The following FSTL5 variants were observed in gnomAD, a reference collection of about 807,000 sequenced individuals.
FSTL5 encodes the protein follistatin like 5, also known as follistatin-related protein 5.
Under a neutral mutation model 89.1 loss-of-function variants are expected in FSTL5, and 62 were observed. The ratio of observed to expected loss-of-function variants is 0.70; its 90% confidence interval spans 0.57 to 0.86. FSTL5 has a LOEUF of 0.86. Among genes scored for constraint, FSTL5 ranks in the 40% least tolerant of loss-of-function variants. FSTL5 has a pLI of 0.00. For missense variants in FSTL5, 1,057 were observed against 1,001.6 expected (o/e 1.06, Z -0.75); for synonymous variants, 383 against 346.2 (o/e 1.11, Z -1.18).
intron 7 of FSTL5, among the ~76,000 whole-genome samples, chr4:161,593,355 A>C (rs2126613991): frequency 6.6e-6 from 1 of 152,240 alleles, no homozygotes; most frequent in Admixed American, 6.6e-5. Context: ...ACCTATATTT[A>C]TGCTAGGTGA....
At chr4:161,448,534 C>T (rs1312199373) in intron 15 of FSTL5, among the ~76,000 whole-genome samples, 5 of 152,020 alleles carry the variant, frequency 3.3e-5, no homozygotes, top group Non-Finnish European at 7.4e-5. Flanking sequence ...TTATTTTTCC[C>T]TTGGAGGAGT....
At chr4:161,838,672 A>C (rs1731123397) in intron 4 of FSTL5, among the ~76,000 whole-genome samples, 2 of 152,170 alleles carry the variant, frequency 1.3e-5, no homozygotes, top group East Asian at 3.8e-4. Flanking sequence ...CTTCTTTGAA[A>C]CTAGTGTTAC....
chr4:161,415,029 A>G (rs978788018), intron 15 of FSTL5, among the ~76,000 whole-genome samples: 1 of 152,206 alleles, frequency 6.6e-6, no homozygotes, highest in Non-Finnish European at 1.5e-5. Context: ...AATCTGATAT[A>G]TTGTAGGTGC....
chr4:161,954,271 T>C (rs1578889396), intron 3 of FSTL5, among the ~76,000 whole-genome samples: 1 of 151,558 alleles, frequency 6.6e-6, no homozygotes, highest in Non-Finnish European at 1.5e-5. Flanking sequence ...TGTTAGCAAA[T>C]AACTTTTTCA....
rs1255328902 is a variant in FSTL5, at chr4:161,770,110, C to G, written c.606+5768G>C. Among the ~76,000 whole-genome samples the G allele has an allele frequency of 2.6e-5, 4 of 151,912 alleles. No individual in the cohort carries two copies. The South Asian group carries it at 6.2e-4, about 24-fold the overall frequency. On this transcript the variant is annotated intron_variant, in intron 5 of 15. Coordinates refer to ENST00000306100, the MANE Select transcript of FSTL5 (RefSeq NM_020116.5). The stretch of plus-strand genomic sequence containing the variant: ...ATTATGTTACATGAAATAAGCCAGG[C>G]ACAGAAAGACAAACTTCATATATTC...
chr4:161,900,064 C>G lies in FSTL5; in HGVS notation c.409+20340G>C, dbSNP rs183187583. Among the ~76,000 whole-genome samples the G allele has an allele frequency of 3.6e-4, 54 of 151,514 alleles. 1 individual carries two copies. Among genetic ancestry groups the G allele is most frequent in the African/African-American group, 1.3e-3 (53 of 41,312 alleles). On this transcript the variant is annotated intron_variant, in intron 4 of 15. Coordinates refer to ENST00000306100, the MANE Select transcript of FSTL5 (RefSeq NM_020116.5). The stretch of plus-strand genomic sequence containing the variant: ...CAAAAATTAGCCAGGTGTGGTGGCA[C>G]ACACCTGTAGTCCCAGCTACACAGA...
intron 4 of FSTL5, among the ~76,000 whole-genome samples, chr4:161,812,902 A>AAAAAAAAAAAAAAAAAAAAT (rs1730203085): frequency 6.7e-6 from 1 of 148,450 alleles, no homozygotes; most frequent in Non-Finnish European, 1.5e-5. Context: ...AAAAAAAAAA[A>AAAAAAAAAAAAAAAAAAAAT]AAAAAGATTA....
intron 4 of FSTL5, among the ~76,000 whole-genome samples, chr4:161,886,859 C>T (rs971795560): frequency 6.6e-6 from 1 of 152,138 alleles, no homozygotes; most frequent in Non-Finnish European, 1.5e-5. Flanking sequence ...ATTTCTATAG[C>T]AATTCAGGAA....
chr4:161,692,976 C>T (rs1291271171), intron 6 of FSTL5, among the ~76,000 whole-genome samples: 1 of 152,112 alleles, frequency 6.6e-6, no homozygotes, highest in African/African-American at 2.4e-5. Context: ...CCTGCCTTGT[C>T]CTCCCAAAGT....
intron 2 of FSTL5, among the ~76,000 whole-genome samples, chr4:162,078,933 G>A (rs1212582226): frequency 6.6e-6 from 1 of 151,680 alleles, no homozygotes; most frequent in African/African-American, 2.4e-5. Flanking sequence ...AATTTCAGGA[G>A]AGAAACTTGG....
intron 4 of FSTL5, among the ~76,000 whole-genome samples, chr4:161,884,060 A>T (rs200705548): frequency 6.6e-6 from 1 of 151,312 alleles, no homozygotes; most frequent in African/African-American, 2.4e-5. Flanking sequence ...TTTTAATTTA[A>T]TTTTTTTTGA....
intron 6 of FSTL5, among the ~76,000 whole-genome samples, chr4:161,740,792 G>GGCT (rs996291987): frequency 6.6e-6 from 1 of 152,070 alleles, no homozygotes; most frequent in Non-Finnish European, 1.5e-5. Context: ...TAGTCTGTTG[G>GGCT]GCTGCGGTAA....
chr4:161,402,995 T>G (rs1044297992), intron 15 of FSTL5, among the ~76,000 whole-genome samples: 20 of 151,994 alleles, frequency 1.3e-4, no homozygotes, highest in Non-Finnish European at 1.8e-4. Flanking sequence ...CTAATTTTTT[T>G]TTTGTTTGTA....
intron 3 of FSTL5, among the ~76,000 whole-genome samples, chr4:161,987,495 T>C (rs201167161): frequency 4.1e-5 from 6 of 145,996 alleles, no homozygotes; most frequent in African/African-American, 1.5e-4. Context: ...TACATACATA[T>C]ATAAAAAATA....
chr4:161,693,058 T>C (rs1738001809), intron 6 of FSTL5, among the ~76,000 whole-genome samples: 2 of 152,276 alleles, frequency 1.3e-5, no homozygotes, highest in African/African-American at 2.4e-5. Flanking sequence ...GCCTCCAGAA[T>C]TGTGACACAA....
chr4:162,035,496 T>A (rs2111203546), intron 2 of FSTL5: 1 of 152,070 alleles, frequency 6.6e-6, no homozygotes, highest in Admixed American at 6.6e-5. Context: ...TTCTTAGCAT[T>A]GTCAAAAATA....
chr4:161,644,451 G>C (rs552707300), intron 7 of FSTL5, among the ~76,000 whole-genome samples: 1 of 151,918 alleles, frequency 6.6e-6, no homozygotes, highest in African/African-American at 2.4e-5. Context: ...ACTTGAACTC[G>C]GGAGGTGGAG....
At chr4:161,862,467 T>G (rs1397010231) in intron 4 of FSTL5, among the ~76,000 whole-genome samples, 1 of 152,076 alleles carries the variant, frequency 6.6e-6, no homozygotes, top group Non-Finnish European at 1.5e-5. Flanking sequence ...GTGTGCGGTA[T>G]CTCACACCTG....
intron 5 of FSTL5, among the ~76,000 whole-genome samples, chr4:161,762,271 T>C (rs1465135594): frequency 6.6e-6 from 1 of 152,096 alleles, no homozygotes; most frequent in Non-Finnish European, 1.5e-5. Context: ...GATACCAGAA[T>C]TTTTATAGCT....
Sources: gnomAD v4.1 joint callset for allele counts (sites outside exome capture counted in the v4.1 genomes callset) on GRCh38, gnomAD v4.1.1 for gene constraint, MANE v1.5 for transcripts, NCBI Gene and HGNC (gene_info 2026-07-23, HGNC 2026-07-21) for gene names.